The following ARHGAP35 variants were observed in gnomAD, a reference collection of about 807,000 sequenced individuals.
ARHGAP35 encodes rho GTPase-activating protein 35.
ARHGAP35 carries 15 observed loss-of-function variants against 111.1 expected under a neutral mutation model. That is an observed-to-expected ratio of 0.13 (90% confidence interval 0.09 to 0.21). The LOEUF (loss-of-function observed/expected upper bound fraction) is 0.21. Ranked by LOEUF, ARHGAP35 falls within the 10% of genes least tolerant of loss-of-function variation. The pLI is 1.00. For synonymous variants in ARHGAP35, 643 were observed against 710.3 expected, an observed-to-expected ratio of 0.91 and a Z score of 1.51; for missense variants, 1,262 against 1,873.0, an observed-to-expected ratio of 0.67 and a Z score of 6.02.
At chr19:46,977,249 T>C (rs1488937636) in intron 3 of ARHGAP35, among the ~76,000 whole-genome samples, 1 of 152,142 alleles carries the variant, frequency 6.6e-6, no homozygotes, top group Non-Finnish European at 1.5e-5. Context: ...CAGCAGCACA[T>C]GACTGGCTGT....
In ARHGAP35 at chr19:47,000,740, G is replaced by T; in HGVS notation, c.*52G>T. On this transcript the variant is annotated 3_prime_UTR_variant, in exon 7 of 7. Transcript: ENST00000672722. The surrounding 1 kb of genome is among the most constrained non-coding windows in gnomAD (Gnocchi z 6.9). ...AACCGGTCCTCTCTCTGACGGGGTG[G>T]CATTTGGCCTTGAACAAAACCAAGT... is the stretch of plus-strand genomic sequence containing the variant. The T allele has an allele frequency of 6.6e-7, 1 of 1,524,810 alleles. No individual in the cohort carries two copies. The highest frequency in any genetic ancestry group is 2.4e-5 in the East Asian group (1 of 40,896). The allele number at this position is 1,524,810 out of a possible 1,614,324, so 94.5% of individuals were successfully genotyped here.
At chr19:46,967,491 G>A (rs2056522151) in intron 3 of ARHGAP35, among the ~76,000 whole-genome samples, 1 of 152,090 alleles carries the variant, frequency 6.6e-6, no homozygotes, top group African/African-American at 2.4e-5. Flanking sequence ...CCCTCTTCTT[G>A]GTTTACTGTG....
At chr19:46,998,923 C>T (rs1182513588) in intron 5 of ARHGAP35, among the ~76,000 whole-genome samples, 1 of 152,236 alleles carries the variant, frequency 6.6e-6, no homozygotes, top group East Asian at 1.9e-4. Flanking sequence ...AGCGGCCGCC[C>T]GTCTCCATCT....
At chr19:46,924,459 T>C (rs184462511) in intron 2 of ARHGAP35, among the ~76,000 whole-genome samples, 42 of 152,292 alleles carry the variant, frequency 2.8e-4, no homozygotes, top group African/African-American at 1.0e-3. Context: ...TGGTTCTGTA[T>C]CCCTCCCCAC....
At chr19:46,893,587 C>G (rs1023163752) in intron 1 of ARHGAP35, among the ~76,000 whole-genome samples, 1 of 151,940 alleles carries the variant, frequency 6.6e-6, no homozygotes, top group African/African-American at 2.4e-5. Flanking sequence ...ACACACTTAC[C>G]TTGTTTATTA....
In ARHGAP35 at chr19:46,989,671, A is replaced by C; in HGVS notation, c.4032A>C (p.Ala1344=). ...PYNMQIDLVE[A]HKINDREQKL... is the part of the protein sequence containing the mutation. ...ACATGCAGATCGACTTGGTGGAAGC[A>C]CACAGTGAGTACCGGCAGCCCAGTG... is the stretch of plus-strand genomic sequence containing the variant. The change falls in exon 5 of 7, where the codon GCA becomes GCC. Residue 1344 remains alanine (A), a synonymous_variant. Coordinates refer to ENST00000672722, the MANE Select transcript of ARHGAP35 (RefSeq NM_004491.5). The surrounding 1 kb of genome is among the most constrained non-coding windows in gnomAD (Gnocchi z 5.3). 1.2e-6 allele frequency: 2 copies of C among 1,613,892 alleles called. No individual in the cohort carries two copies. Among genetic ancestry groups the C allele is most frequent in the Non-Finnish European group, 1.7e-6 (2 of 1,179,824 alleles).
At chr19:46,985,859 G>A (rs1190194433) in intron 3 of ARHGAP35, among the ~76,000 whole-genome samples, 7 of 146,312 alleles carry the variant, frequency 4.8e-5, no homozygotes. Flanking sequence ...GATGCCTCTT[G>A]CTCCAGTGTT....
At chr19:46,904,923 C>CA (rs1367837074) in intron 1 of ARHGAP35, among the ~76,000 whole-genome samples, 5 of 152,176 alleles carry the variant, frequency 3.3e-5, no homozygotes, top group African/African-American at 1.2e-4. Context: ...TCCTGTTCTC[C>CA]AGCCAGGGCA....
intron 1 of ARHGAP35, among the ~76,000 whole-genome samples, chr19:46,865,901 C>T (rs1041284840): frequency 1.3e-5 from 2 of 152,152 alleles, no homozygotes; most frequent in Non-Finnish European, 1.5e-5. Context: ...AGTGCAATGG[C>T]GCAATCTCAG....
At chr19:46,868,928 C>T (rs1357613390) in intron 1 of ARHGAP35, among the ~76,000 whole-genome samples, 6 of 89,924 alleles carry the variant, frequency 6.7e-5, no homozygotes, top group African/African-American at 2.2e-4. Flanking sequence ...TTTTTGGTGA[C>T]GTAGTCTTGC....
At position 46,861,099 on chromosome 19, in the gene ARHGAP35, C is replaced by CGCCGCCGCCTCA. The variant is rs2055823522; in HGVS notation, c.-290_-279dup. ...CCCGGCCCCCCGCCGCCGGAGCCGCCGCCGCCGCCTCAGCCGCCGCTGGAC... is the reference window on the plus strand; with the variant it reads ...CCCGGCCCCCCGCCGCCGGAGCCGCCGCCGCCGCCTCAGCCGCCGCCTCAGCCGCCGCTGGAC... On this transcript the variant is annotated 5_prime_UTR_variant, in exon 1 of 7. Coordinates refer to ENST00000672722, the MANE Select transcript of ARHGAP35 (RefSeq NM_004491.5). 1.3e-5 allele frequency among the ~76,000 whole-genome samples: 2 copies of CGCCGCCGCCTCA among 151,296 alleles called. No homozygotes were observed. Among genetic ancestry groups the CGCCGCCGCCTCA allele is most frequent in the African/African-American group, 4.8e-5 (2 of 41,310 alleles).
intron 3 of ARHGAP35, among the ~76,000 whole-genome samples, chr19:46,967,477 C>T (rs2056522039): frequency 6.6e-6 from 1 of 152,176 alleles, no homozygotes; most frequent in South Asian, 2.1e-4. Context: ...CGTTTAGTCT[C>T]TCACCCTCTT....
intron 1 of ARHGAP35, among the ~76,000 whole-genome samples, chr19:46,903,585 G>C (rs112787555): frequency 0.011 from 1,721 of 152,292 alleles, 39 homozygotes; most frequent in African/African-American, 0.039. Context: ...TGAGGTCAAG[G>C]TGACTTCCTC....
intron 1 of ARHGAP35, among the ~76,000 whole-genome samples, chr19:46,862,533 T>A (rs558457788): frequency 1.3e-5 from 2 of 152,260 alleles, no homozygotes; most frequent in East Asian, 3.9e-4. Flanking sequence ...CTTCCTGTTC[T>A]GCATCTCACA....
intron 1 of ARHGAP35, among the ~76,000 whole-genome samples, chr19:46,880,220 G>C (rs935487773): frequency 2.0e-5 from 3 of 151,950 alleles, no homozygotes; most frequent in Non-Finnish European, 4.4e-5. Flanking sequence ...GTCACCTGAG[G>C]TCAGGAGTTC....
At chr19:46,862,019 C>T (rs1368811910) in intron 1 of ARHGAP35, among the ~76,000 whole-genome samples, 1 of 152,214 alleles carries the variant, frequency 6.6e-6, no homozygotes, top group Non-Finnish European at 1.5e-5. Context: ...CCCCTGATCC[C>T]CTCGGACTTG....
intron 3 of ARHGAP35, among the ~76,000 whole-genome samples, chr19:46,977,153 C>T (rs1322551775): frequency 6.6e-6 from 1 of 152,212 alleles, no homozygotes; most frequent in Non-Finnish European, 1.5e-5. Flanking sequence ...CTGCAGGGGG[C>T]GTGGCCCTGT....
At chr19:46,916,145 A>G (rs1476222408) in intron 1 of ARHGAP35, among the ~76,000 whole-genome samples, 3 of 152,066 alleles carry the variant, frequency 2.0e-5, no homozygotes, top group Admixed American at 6.6e-5. Flanking sequence ...CATGTTAGCC[A>G]GGATGGTCTT....
chr19:46,873,049 G>T (rs1489390196), intron 1 of ARHGAP35, among the ~76,000 whole-genome samples: 2 of 152,218 alleles, frequency 1.3e-5, no homozygotes, highest in African/African-American at 4.8e-5. Flanking sequence ...GCAGAGAGGG[G>T]ACTTGCCCAA....
Sources: gnomAD v4.1 joint callset for allele counts (sites outside exome capture counted in the v4.1 genomes callset) on GRCh38, gnomAD v4.1.1 for gene constraint, Gnocchi (gnomAD v3.1) non-coding constraint, MANE v1.5 for transcripts, NCBI Gene and HGNC (gene_info 2026-07-23, HGNC 2026-07-21) for gene names.